SLC6A12: variants seen among roughly 807,000 people sequenced by gnomAD.
SLC6A12 encodes the protein solute carrier family 6 member 12.
SLC6A12 carries 50 observed loss-of-function variants against 73.3 expected under a neutral mutation model. The observed-to-expected ratio is 0.68, with a 90% CI of 0.54 to 0.86. The LOEUF is 0.86. SLC6A12 is among the 40% of genes least tolerant of loss of function. The probability of loss-of-function intolerance (pLI) is 0.00; values close to 1 mark genes in which losing one functional copy is unlikely to be tolerated. For missense variants in SLC6A12, 648 were observed against 772.8 expected, an observed-to-expected ratio of 0.84 and a Z score of 1.92; for synonymous variants, 304 against 309.2, an observed-to-expected ratio of 0.98 and a Z score of 0.18.
downstream of SLC6A12, among the ~76,000 whole-genome samples, chr12:186,578 T>C (rs1056791449): frequency 1.3e-5 from 2 of 152,190 alleles, no homozygotes; most frequent in African/African-American, 2.4e-5. Context: ...GCTGGGAGGA[T>C]ACATTTCCAC....
chr12:189,225 C>T (rs900081113), downstream of SLC6A12, among the ~76,000 whole-genome samples: 1 of 152,058 alleles, frequency 6.6e-6, no homozygotes, highest in African/African-American at 2.4e-5. Flanking sequence ...GTGCTAGGGG[C>T]CCCGGGGGAG....
chr12:199,694 T>C (rs1196871077), intron 7 of SLC6A12: 1 of 152,166 alleles, frequency 6.6e-6, no homozygotes, highest in East Asian at 1.9e-4. Flanking sequence ...GAGAAGTCCG[T>C]TTACTGACCA....
downstream of SLC6A12, among the ~76,000 whole-genome samples, chr12:188,202 G>C (rs922365749): frequency 1.3e-5 from 2 of 152,208 alleles, no homozygotes; most frequent in African/African-American, 4.8e-5. Context: ...GGCCGCACAG[G>C]AGCCCATGGA....
intron 5 of SLC6A12, among the ~76,000 whole-genome samples, chr12:202,387 T>A (rs1023514856): frequency 1.3e-5 from 2 of 152,232 alleles, no homozygotes; most frequent in African/African-American, 4.8e-5. Flanking sequence ...CAGTGAAGGC[T>A]GGGTCCCTGC....
rs216239 is a variant in SLC6A12 at position 200,354 on chromosome 12, A to T, written c.711+297T>A. Among the ~76,000 whole-genome samples, 386 of 151,956 alleles carry T rather than the reference A, an allele frequency of 2.5e-3. 1 individual carries two copies. Among genetic ancestry groups the T allele is most frequent in the Non-Finnish European group, 4.2e-3 (289 of 68,008 alleles). Reference sequence around the variant, plus strand: ...CGATCTCCTGACCTCGTGATCCGCCAGCCTCGGCCTCCCAAAGTGCTGGGA... The same window carrying T: ...CGATCTCCTGACCTCGTGATCCGCCTGCCTCGGCCTCCCAAAGTGCTGGGA... On this transcript the variant is annotated intron_variant, in intron 7 of 15. Coordinates refer to ENST00000684302, the MANE Select transcript of SLC6A12 (RefSeq NM_001122848.3).
At position 196,018 on chromosome 12, in the gene SLC6A12, C is replaced by A. The variant is rs1196450771; in HGVS notation, c.1326+106G>T. 5 of 1,099,164 alleles carry A rather than the reference C, an allele frequency of 4.5e-6. No homozygotes were observed. The East Asian group carries it at 7.8e-5, about 17-fold the overall frequency. 68.1% of individuals were successfully genotyped at this position (1,099,164 alleles called of 1,614,324 possible). A position where few individuals can be genotyped will look rare whatever the true frequency, so the allele number is the denominator to read the frequency against. ...TGGAGAGGCAGGGCAGGCGTTCACA[C>A]CCCTCGTCAGCAGATAAGAAAAGTG... On this transcript the variant is annotated intron_variant, in intron 12 of 15. Coordinates refer to ENST00000684302, the MANE Select transcript of SLC6A12 (RefSeq NM_001122848.3).
Position 210,051 on chromosome 12 carries a change from G to A in SLC6A12, c.-57-8C>T. The A allele has an allele frequency of 6.3e-7, 1 of 1,583,230 alleles. No homozygotes were observed. On this transcript the variant is annotated splice_polypyrimidine_tract_variant and splice_region_variant and intron_variant, in intron 2 of 15. Coordinates refer to ENST00000684302, the MANE Select transcript of SLC6A12 (RefSeq NM_001122848.3). ...GATGACGAGGGCCAAAGCCTGGTGG[G>A]AAGAGAAGAAATTAGCTGTAAAACC... is the stretch of plus-strand genomic sequence containing the variant.
At chr12:193,006 G>A in intron 14 of SLC6A12, 1 of 529,606 alleles carries the variant, frequency 1.9e-6, no homozygotes. Context: ...ACAGACAGGA[G>A]ACCAACCATC....
downstream of SLC6A12, among the ~76,000 whole-genome samples, chr12:186,790 G>GA (rs1337937464): frequency 3.3e-5 from 5 of 152,178 alleles, no homozygotes; most frequent in Non-Finnish European, 5.9e-5. Context: ...TTCTTCGGGA[G>GA]AATGTCCAGG....
chr12:188,035 C>A (rs1939467279), downstream of SLC6A12, among the ~76,000 whole-genome samples: 1 of 152,230 alleles, frequency 6.6e-6, no homozygotes, highest in African/African-American at 2.4e-5. Flanking sequence ...CCACCAGACT[C>A]AGGAGCCCAG....
chr12:185,992 C>G (rs541781335), downstream of SLC6A12, among the ~76,000 whole-genome samples: 10 of 152,302 alleles, frequency 6.6e-5, no homozygotes, highest in South Asian at 2.1e-3. Context: ...GCTGGGCATG[C>G]GAGCACGGAG....
intron 7 of SLC6A12, among the ~76,000 whole-genome samples, chr12:199,410 C>G (rs995682602): frequency 2.0e-5 from 3 of 152,152 alleles, no homozygotes; most frequent in Non-Finnish European, 2.9e-5. Flanking sequence ...CCCTGGCGAC[C>G]CAGGGGAATA....
chr12:200,201 C>T (rs574039680), intron 7 of SLC6A12, among the ~76,000 whole-genome samples: 29 of 149,826 alleles, frequency 1.9e-4, no homozygotes, highest in East Asian at 3.9e-4. Flanking sequence ...CTCCGCCTCC[C>T]GGGTTCACGC....
chr12:207,428 C>G (rs1291240169), intron 3 of SLC6A12, among the ~76,000 whole-genome samples: 2 of 152,212 alleles, frequency 1.3e-5, no homozygotes, highest in Non-Finnish European at 2.9e-5. Context: ...TGAGTGATTT[C>G]TAGTTCAGGG....
At position 209,735 on chromosome 12, in the gene SLC6A12, C is replaced by A. The variant is rs370778426; in HGVS notation, c.214+38G>T. The A allele has an allele frequency of 6.8e-6, 11 of 1,612,840 alleles. No homozygotes were observed. In the Admixed American group the frequency reaches 1.8e-4, roughly 27 times the overall value. On this transcript the variant is annotated intron_variant, in intron 3 of 15. Transcript: ENST00000684302. ...TAGGCACTGCCCAGCTGCCAGCACA[C>A]AGCTCTCCCCACCATGCCTACCTCA...
chr12:188,390 C>G (rs1273411750), downstream of SLC6A12, among the ~76,000 whole-genome samples: 2 of 152,116 alleles, frequency 1.3e-5, no homozygotes, highest in Non-Finnish European at 2.9e-5. Context: ...GCCGAGCCCA[C>G]GCCCACCCGG....
In SLC6A12 at chr12:214,133, ATGTGTTGGGGCGGGGGCTGTG is replaced by A. The variant is rs1239134820; in HGVS notation, c.-375_-355del. Reference sequence around the variant, plus strand: ...CCAGACAGAAAGAAGCCGTGTGTGTATGTGTTGGGGCGGGGGCTGTGTGTGTTGGGGAGTGAAAGGACAGAG... The same window carrying A: ...CCAGACAGAAAGAAGCCGTGTGTGTATGTGTTGGGGAGTGAAAGGACAGAG... On this transcript the variant is annotated 5_prime_UTR_variant, in exon 1 of 16. Coordinates refer to ENST00000684302, the MANE Select transcript of SLC6A12 (RefSeq NM_001122848.3). The surrounding 1 kb of genome is among the most constrained non-coding windows in gnomAD (Gnocchi z 4.2). 1 of 152,870 alleles carries A rather than the reference ATGTGTTGGGGCGGGGGCTGTG, an allele frequency of 6.5e-6. No individual in the cohort carries two copies. Among genetic ancestry groups the A allele is most frequent in the Non-Finnish European group, 1.5e-5 (1 of 68,592 alleles). 9.5% of individuals were successfully genotyped at this position (152,870 alleles called of 1,614,324 possible).
In SLC6A12 at chr12:196,139, A is replaced by G. The variant is rs755974776; in HGVS notation, c.1311T>C (p.Leu437=). Residue 437 remains leucine, a synonymous_variant, in exon 12 of 16, where the codon CTT becomes CTC. Transcript: ENST00000684302. Reference sequence around the variant, plus strand: ...CGCAGCTCACCTCGGTGACCAGGAAAAGCCCTATCAGGTAGCACATGACGG... The same window carrying G: ...CGCAGCTCACCTCGGTGACCAGGAAGAGCCCTATCAGGTAGCACATGACGG... ...TIAVMCYLIG[L]FLVTEGGMYI... The G allele has an allele frequency of 1.3e-6, 2 of 1,562,888 alleles. No homozygotes were observed. Among genetic ancestry groups the G allele is most frequent in the African/African-American group, 1.3e-5 (1 of 74,384 alleles).
At chr12:187,634 A>AAAAACAC (rs1939460302), downstream of SLC6A12, among the ~76,000 whole-genome samples, 1 of 68,054 alleles carries the variant, frequency 1.5e-5, no homozygotes, top group African/African-American at 5.2e-5. Context: ...AAAAAAAACA[A>AAAAACAC]ACCACACACA....
Sources: allele counts gnomAD v4.1 joint callset (sites outside exome capture counted in the v4.1 genomes callset), GRCh38; gene constraint gnomAD v4.1.1; non-coding constraint Gnocchi (gnomAD v3.1); transcripts MANE v1.5; gene names NCBI Gene and HGNC (gene_info 2026-07-23, HGNC 2026-07-21).